The following POLR1D variants were observed in gnomAD, a reference collection of about 807,000 sequenced individuals.
POLR1D encodes the protein DNA-directed RNA polymerases I and III subunit RPAC2.
Under a neutral mutation model 10.8 loss-of-function variants are expected in POLR1D, and 8 were observed. The ratio of observed to expected loss-of-function variants is 0.74; its 90% CI spans 0.43 to 1.33. The LOEUF (loss-of-function observed/expected upper bound fraction) is 1.33, where lower values mean the gene tolerates loss of function less well. Among genes scored for constraint, POLR1D ranks in the 40% most tolerant of loss-of-function variants. The pLI is 0.01. For synonymous variants in POLR1D, 54 were observed against 57.2 expected, an observed-to-expected ratio of 0.94 and a Z score of 0.25; for missense variants, 152 against 161.7, an observed-to-expected ratio of 0.94 and a Z score of 0.32.
At chr13:27,643,513 G>A (rs935791080) in intron 1 of POLR1D, among the ~76,000 whole-genome samples, 2 of 152,160 alleles carry the variant, frequency 1.3e-5, no homozygotes, top group Non-Finnish European at 2.9e-5. Flanking sequence ...GGTTTCTACA[G>A]ATCCCTATGA....
At chr13:27,625,181 G>A (rs115777971), downstream of POLR1D, among the ~76,000 whole-genome samples, 498 of 152,276 alleles carry the variant, frequency 3.3e-3, 2 homozygotes, top group African/African-American at 0.011. Flanking sequence ...CCTGTCCTCT[G>A]GAGTCCATGG....
In POLR1D at chr13:27,622,835, A is replaced by G. The variant is rs1413533389; in HGVS notation, c.27-40A>G. The G allele has an allele frequency of 8.2e-6, 11 of 1,335,004 alleles. No individual in the cohort carries two copies. In the East Asian group the frequency reaches 1.9e-4, roughly 23 times the overall value. The allele number at this position is 1,335,004 out of a possible 1,614,324, so 82.7% of individuals were successfully genotyped here. A position where few individuals can be genotyped will look rare whatever the true frequency, so the allele number is the denominator to read the frequency against. ...GAGAAAAAGCTAGTTACAAAACAAT[A>G]TTCAGTATGATCTCATTTTTATAAA... On this transcript the variant is annotated intron_variant, in intron 1 of 1. Transcript: ENST00000302979.
intron 1 of POLR1D, chr13:27,648,333 C>A: frequency 8.2e-7 from 1 of 1,216,776 alleles, no homozygotes. Flanking sequence ...ATTTTCAGAA[C>A]TTAGTAGGGT....
At chr13:27,650,383 G>A (rs528474376) in intron 2 of POLR1D, 56 of 233,868 alleles carry the variant, frequency 2.4e-4, no homozygotes, top group African/African-American at 1.0e-3. Context: ...TTGATGGATG[G>A]ATGGATGGAT....
chr13:27,646,140 G>T (rs1328074149), intron 1 of POLR1D: 1 of 152,138 alleles, frequency 6.6e-6, no homozygotes, highest in Admixed American at 6.5e-5. Flanking sequence ...CATAATTGGG[G>T]AACTGCCCCA....
intron 1 of POLR1D, among the ~76,000 whole-genome samples, chr13:27,643,750 G>A (rs769732669): frequency 2.6e-5 from 4 of 152,176 alleles, no homozygotes; most frequent in East Asian, 1.9e-4. Context: ...GTATGTGGAC[G>A]ACTCCACAAG....
chr13:27,642,149 T>C (rs1956180316), intron 1 of POLR1D, among the ~76,000 whole-genome samples: 1 of 152,122 alleles, frequency 6.6e-6, no homozygotes, highest in African/African-American at 2.4e-5. Context: ...AAGAATAATA[T>C]TGGAAGCTAA....
chr13:27,639,657 A>G (rs1165928708), intron 1 of POLR1D, among the ~76,000 whole-genome samples: 2 of 152,196 alleles, frequency 1.3e-5, no homozygotes, highest in East Asian at 3.8e-4. Context: ...GAACTGAGAA[A>G]TAAGTTTTCC....
intron 2 of POLR1D, among the ~76,000 whole-genome samples, chr13:27,655,517 T>C (rs1956300527): frequency 6.6e-6 from 1 of 152,086 alleles, no homozygotes; most frequent in Admixed American, 6.5e-5. Context: ...ATTTGCCTTA[T>C]TATGTTTTCT....
intron 1 of POLR1D, among the ~76,000 whole-genome samples, chr13:27,641,404 T>C (rs908936567): frequency 6.6e-6 from 1 of 152,204 alleles, no homozygotes; most frequent in Admixed American, 6.5e-5. Context: ...ATTATAACAA[T>C]ATAATTAGGG....
rs765667059 is a variant in POLR1D, at chr13:27,623,196, C to T, written c.348C>T (p.Ala116=). 6.2e-7 allele frequency: 1 copy of T among 1,614,000 alleles called. No homozygotes were observed. The highest frequency in any genetic ancestry group is 2.2e-5 in the East Asian group (1 of 44,874). Residue 116 remains alanine, a synonymous_variant, in exon 2 of 2, where the codon GCC becomes GCT. Coordinates refer to ENST00000302979, the MANE Select transcript of POLR1D (RefSeq NM_015972.4). Reference sequence around the variant, plus strand: ...AACATGTGCTTGACAAGTTTGAGGCCAGCATAAAGGACTATAAGGATCAAA... The same window carrying T: ...AACATGTGCTTGACAAGTTTGAGGCTAGCATAAAGGACTATAAGGATCAAA... The part of the protein sequence containing the change: ...VCQHVLDKFE[A]SIKDYKDQKA...
chr13:27,644,371 A>AT (rs1196249930), intron 1 of POLR1D, among the ~76,000 whole-genome samples: 4 of 152,194 alleles, frequency 2.6e-5, no homozygotes, highest in Admixed American at 1.3e-4. Context: ...TTTTAAGATG[A>AT]TTTTGTACCA....
At chr13:27,644,088 A>G (rs1956198478) in intron 1 of POLR1D, among the ~76,000 whole-genome samples, 1 of 152,138 alleles carries the variant, frequency 6.6e-6, no homozygotes, top group Non-Finnish European at 1.5e-5. Flanking sequence ...GCTTTCCTTC[A>G]CCATCACAGG....
chr13:27,658,764 A>G (rs929930692), intron 2 of POLR1D, among the ~76,000 whole-genome samples: 2 of 152,226 alleles, frequency 1.3e-5, no homozygotes, highest in African/African-American at 4.8e-5. Context: ...ATTGGCTCAT[A>G]TGACTTCCTT....
chr13:27,622,206 C>G (rs1459174829), intron 1 of POLR1D, 197 bp downstream of exon 1: 3 of 616,780 alleles, frequency 4.9e-6, no homozygotes, highest in Non-Finnish European at 8.7e-6. Context: ...GGAGGGAAGA[C>G]AAGTTGGGAG....
At chr13:27,637,948 A>G (rs894328907) in intron 1 of POLR1D, among the ~76,000 whole-genome samples, 83 of 151,950 alleles carry the variant, frequency 5.5e-4, no homozygotes, top group African/African-American at 1.9e-3. Flanking sequence ...TTTTTTGTAT[A>G]GTATATTTTT....
chr13:27,627,281 G>GTTT (rs749694500), downstream of POLR1D, among the ~76,000 whole-genome samples: 1 of 144,222 alleles, frequency 6.9e-6, no homozygotes. Context: ...CGTGGGTCTG[G>GTTT]TTTTTTTTTT....
chr13:27,628,772 G>C (rs781452482), intron 1 of POLR1D, among the ~76,000 whole-genome samples: 1 of 152,114 alleles, frequency 6.6e-6, no homozygotes, highest in Non-Finnish European at 1.5e-5. Context: ...AGTTGTTTTC[G>C]ATTGGCTGAT....
intron 2 of POLR1D, chr13:27,665,389 G>C: frequency 3.0e-6 from 1 of 336,014 alleles, no homozygotes; most frequent in Non-Finnish European, 5.5e-6. Flanking sequence ...AAATGATTCT[G>C]TTAGTTCACA....
Sources: gnomAD v4.1 joint callset for allele counts (sites outside exome capture counted in the v4.1 genomes callset) on GRCh38, gnomAD v4.1.1 for gene constraint, MANE v1.5 for transcripts, NCBI Gene and HGNC (gene_info 2026-07-23, HGNC 2026-07-21) for gene names.